The following RASSF2 variants were observed in gnomAD, a reference collection of about 807,000 sequenced individuals.
RASSF2 encodes the protein ras association domain-containing protein 2.
RASSF2 carries 34 observed loss-of-function variants against 46.3 expected under a neutral mutation model. That is an observed-to-expected ratio of 0.73 (90% CI 0.56 to 0.98). The LOEUF is 0.98. RASSF2 is among the 50% of genes least tolerant of loss of function. RASSF2 has a pLI of 0.00. For synonymous variants in RASSF2, 158 were observed against 162.5 expected, an observed-to-expected ratio of 0.97 and a Z score of 0.21; for missense variants, 364 against 431.2, an observed-to-expected ratio of 0.84 and a Z score of 1.38.
chr20:4,815,645 T>C (rs369819655), intron 2 of RASSF2, among the ~76,000 whole-genome samples: 2 of 152,244 alleles, frequency 1.3e-5, no homozygotes, highest in Non-Finnish European at 2.9e-5. Context: ...TCTCTCTCTC[T>C]GCACGGCACC....
intron 5 of RASSF2, chr20:4,793,020 GT>G (rs1226001978): frequency 1.6e-5 from 3 of 188,496 alleles, no homozygotes; most frequent in Non-Finnish European, 3.4e-5. Flanking sequence ...GTGGCCATTC[GT>G]TTTGCAGGGT....
At chr20:4,801,929 AG>A (rs1414557238) in intron 2 of RASSF2, among the ~76,000 whole-genome samples, 5 of 152,080 alleles carry the variant, frequency 3.3e-5, no homozygotes, top group Admixed American at 2.0e-4. Flanking sequence ...TAGTAGAGGA[AG>A]GGTTTCACCA....
In RASSF2 at chr20:4,783,114, G is replaced by A. The variant is rs998169449; in HGVS notation, c.*1159C>T. On this transcript the variant is annotated 3_prime_UTR_variant, in exon 12 of 12. Coordinates refer to ENST00000379400, the MANE Select transcript of RASSF2 (RefSeq NM_014737.3). The stretch of plus-strand genomic sequence containing the variant: ...AGAGCTTCCCTGAACCCCACACTCA[G>A]TAGCAAGATGAGGCTTCATTCTTGG... 2 of 152,288 alleles carry A rather than the reference G, an allele frequency of 1.3e-5. No individual in the cohort carries two copies. The highest frequency in any genetic ancestry group is 4.8e-5 in the African/African-American group (2 of 41,454). The allele number at this position is 152,288 out of a possible 1,614,324, so 9.4% of individuals were successfully genotyped here.
intron 2 of RASSF2, among the ~76,000 whole-genome samples, chr20:4,819,787 G>T (rs1487139914): frequency 1.3e-5 from 2 of 152,146 alleles, no homozygotes; most frequent in Admixed American, 6.5e-5. Flanking sequence ...ATCACTTTGG[G>T]TCGACATGTT....
At position 4,784,130 on chromosome 20, in the gene RASSF2, G is replaced by A. The variant is rs144952251; in HGVS notation, c.*143C>T. The A allele has an allele frequency of 5.1e-6, 4 of 784,544 alleles. No individual in the cohort carries two copies. The highest frequency in any genetic ancestry group is 8.7e-6 in the Non-Finnish European group (4 of 462,232). 48.6% of individuals were successfully genotyped at this position (784,544 alleles called of 1,614,324 possible). ...AGCTGTCTGCTGACTTCTACATCCA[G>A]CTCCAGGTAGCAAATGATGGCTTGG... On this transcript the variant is annotated 3_prime_UTR_variant, in exon 12 of 12. Coordinates refer to ENST00000379400, the MANE Select transcript of RASSF2 (RefSeq NM_014737.3).
intron 10 of RASSF2, 120 bp from the exon 11 acceptor site, chr20:4,786,448 G>T (rs111628636): frequency 6.5e-6 from 6 of 918,490 alleles, no homozygotes; most frequent in Non-Finnish European, 7.1e-6. Flanking sequence ...AGAAACCCAG[G>T]ATTTCCTTAA....
In RASSF2 at chr20:4,782,320, A is replaced by C. The variant is rs1230458960; in HGVS notation, c.*1953T>G. ...CCAACTAAGGCCCTGAACATTCAAAATAAAAATTACCAGAAGAGAAGTTCT... is the reference window on the plus strand; with the variant it reads ...CCAACTAAGGCCCTGAACATTCAAACTAAAAATTACCAGAAGAGAAGTTCT... On this transcript the variant is annotated 3_prime_UTR_variant, in exon 12 of 12. Coordinates refer to ENST00000379400, the MANE Select transcript of RASSF2 (RefSeq NM_014737.3). 2.0e-5 allele frequency: 3 copies of C among 152,696 alleles called. No homozygotes were observed. The highest frequency in any genetic ancestry group is 4.8e-5 in the African/African-American group (2 of 41,472). 9.5% of individuals were successfully genotyped at this position (152,696 alleles called of 1,614,324 possible).
At chr20:4,800,286 C>T (rs1324293979) in intron 3 of RASSF2, among the ~76,000 whole-genome samples, 3 of 152,228 alleles carry the variant, frequency 2.0e-5, no homozygotes, top group Admixed American at 6.5e-5. Context: ...CCAGAGCAGC[C>T]GAGGGACACA....
rs1924682016 is a variant in RASSF2 at position 4,780,347 on chromosome 20, T to C, written c.*3926A>G. 6.6e-6 allele frequency: 1 copy of C among 152,192 alleles called. No individual in the cohort carries two copies. The highest frequency in any genetic ancestry group is 2.1e-4 in the South Asian group (1 of 4,826). The allele number at this position is 152,192 out of a possible 1,614,324, so 9.4% of individuals were successfully genotyped here. A position where few individuals can be genotyped will look rare whatever the true frequency, so the allele number is the denominator to read the frequency against. Reference sequence around the variant, plus strand: ...AGACTCCAAAGGTAAACTGAGGGTTTCCCACCACAGCTTGTGCATCTTGTG... The same window carrying C: ...AGACTCCAAAGGTAAACTGAGGGTTCCCCACCACAGCTTGTGCATCTTGTG... On this transcript the variant is annotated 3_prime_UTR_variant, in exon 12 of 12. Coordinates refer to ENST00000379400, the MANE Select transcript of RASSF2 (RefSeq NM_014737.3).
chr20:4,822,086 C>A (rs1928728493), intron 2 of RASSF2, among the ~76,000 whole-genome samples: 1 of 152,214 alleles, frequency 6.6e-6, no homozygotes, highest in South Asian at 2.1e-4. Flanking sequence ...AGAAAAAGTG[C>A]CTGGTAAGTA....
At chr20:4,787,848 C>T (rs934937218) in intron 9 of RASSF2, 94 bp from the exon 10 acceptor site, 48 of 1,452,590 alleles carry the variant, frequency 3.3e-5, no homozygotes, top group African/African-American at 4.3e-5. Flanking sequence ...TAGGAGATGC[C>T]GCCATATACG....
chr20:4,818,179 A>C (rs1310071445), intron 2 of RASSF2, among the ~76,000 whole-genome samples: 1 of 152,094 alleles, frequency 6.6e-6, no homozygotes, highest in African/African-American at 2.4e-5. Flanking sequence ...AGGCAGGAGA[A>C]TCGCTTGAAC....
rs59293540 is a variant in RASSF2 at position 4,810,612 on chromosome 20, C to A, written c.-32-9550G>T. ...CGTCTTATTTATGAATTGGGAAGTCCTCCAAGGGAGGGGCAGCCCTGGCAG... is the reference window on the plus strand; with the variant it reads ...CGTCTTATTTATGAATTGGGAAGTCATCCAAGGGAGGGGCAGCCCTGGCAG... On this transcript the variant is annotated intron_variant, in intron 2 of 11. Transcript: ENST00000379400. Among the ~76,000 whole-genome samples, 554 of 152,322 alleles carry A rather than the reference C, an allele frequency of 3.6e-3. 7 individuals carry two copies. Among genetic ancestry groups the A allele is most frequent in the African/African-American group, 0.013 (537 of 41,566 alleles).
In RASSF2 at chr20:4,790,434, C is replaced by A. The variant is rs374326944; in HGVS notation, c.537+17G>T. The A allele has an allele frequency of 2.1e-6, 3 of 1,441,710 alleles. No individual in the cohort carries two copies. The highest frequency in any genetic ancestry group is 1.8e-6 in the Non-Finnish European group (2 of 1,095,700). The allele number at this position is 1,441,710 out of a possible 1,614,324, so 89.3% of individuals were successfully genotyped here. A position where few individuals can be genotyped will look rare whatever the true frequency, so the allele number is the denominator to read the frequency against. ...GGAAGAGGTCTTCCACCCTCCCCGTCCCCCTGTCCACCTTACCTTATGGTT... is the reference window on the plus strand; with the variant it reads ...GGAAGAGGTCTTCCACCCTCCCCGTACCCCTGTCCACCTTACCTTATGGTT... On this transcript the variant is annotated intron_variant, in intron 7 of 11. Transcript: ENST00000379400. The surrounding 1 kb of genome is among the most constrained non-coding windows in gnomAD (Gnocchi z 4.3).
In RASSF2 at chr20:4,812,928, T is replaced by C. The variant is rs115819468; in HGVS notation, c.-33+9401A>G. On this transcript the variant is annotated intron_variant, in intron 2 of 11. Coordinates refer to ENST00000379400, the MANE Select transcript of RASSF2 (RefSeq NM_014737.3). This position sits in a 1 kb window ranked among gnomAD's most constrained non-coding sequence, Gnocchi z 4.0. ...CCAGCCCACAGCAGGCTGGGAGGTCTGGGGGATGGGAGGCGAGTGAGTGAC... is the reference window on the plus strand; with the variant it reads ...CCAGCCCACAGCAGGCTGGGAGGTCCGGGGGATGGGAGGCGAGTGAGTGAC... 0.02 allele frequency among the ~76,000 whole-genome samples: 3,056 copies of C among 152,086 alleles called. 91 individuals carry two copies. Among genetic ancestry groups the C allele is most frequent in the African/African-American group, 0.069 (2,879 of 41,460 alleles).
chr20:4,781,791 G>A lies in RASSF2; in HGVS notation c.*2482C>T, dbSNP rs1401380695. 2 of 152,284 alleles carry A rather than the reference G, an allele frequency of 1.3e-5. No homozygotes were observed. The highest frequency in any genetic ancestry group is 4.1e-4 in the South Asian group (2 of 4,828). The allele number at this position is 152,284 out of a possible 1,614,324, so 9.4% of individuals were successfully genotyped here. A position where few individuals can be genotyped will look rare whatever the true frequency, so the allele number is the denominator to read the frequency against. ...GTCTTTTGTCCTTTACACAATTTCAGGTTCATTGCACGCAATTACATAAAC... is the reference window on the plus strand; with the variant it reads ...GTCTTTTGTCCTTTACACAATTTCAAGTTCATTGCACGCAATTACATAAAC... On this transcript the variant is annotated 3_prime_UTR_variant, in exon 12 of 12. Transcript: ENST00000379400.
intron 2 of RASSF2, among the ~76,000 whole-genome samples, chr20:4,817,161 T>C (rs942604226): frequency 6.6e-6 from 1 of 152,196 alleles, no homozygotes; most frequent in African/African-American, 2.4e-5. Context: ...CTGCAGCCTA[T>C]GTTTTTGTAG....
At chr20:4,787,589 C>T (rs755493382) in intron 10 of RASSF2, 44 bp downstream of exon 10, 1 of 1,612,230 alleles carries the variant, frequency 6.2e-7, no homozygotes, top group Non-Finnish European at 8.5e-7. Context: ...CAACCAAATC[C>T]CCACCCTCCT....
chr20:4,792,526 C>T lies in RASSF2; in HGVS notation c.376+13G>A, dbSNP rs774132766. The stretch of plus-strand genomic sequence containing the variant: ...TTGGTCCCTAGCTGGAAGTACCTTC[C>T]ACTCACATGTACCTGTGGAGCTTGG... On this transcript the variant is annotated intron_variant, in intron 6 of 11. Coordinates refer to ENST00000379400, the MANE Select transcript of RASSF2 (RefSeq NM_014737.3). 6.2e-7 allele frequency: 1 copy of T among 1,614,028 alleles called. No individual in the cohort carries two copies. The highest frequency in any genetic ancestry group is 8.5e-7 in the Non-Finnish European group (1 of 1,179,990).
Sources: allele counts gnomAD v4.1 joint callset (sites outside exome capture counted in the v4.1 genomes callset), GRCh38; gene constraint gnomAD v4.1.1; non-coding constraint Gnocchi (gnomAD v3.1); transcripts MANE v1.5; gene names NCBI Gene and HGNC (gene_info 2026-07-23, HGNC 2026-07-21).